The following KAT6A variants were observed in gnomAD, a reference collection of about 807,000 sequenced individuals.
KAT6A encodes the protein histone acetyltransferase KAT6A.
Under a neutral mutation model 198.4 loss-of-function variants are expected in KAT6A, and 9 were observed. That is an observed-to-expected ratio of 0.05 (90% CI 0.03 to 0.08). The LOEUF (loss-of-function observed/expected upper bound fraction) is 0.08. Ranked by LOEUF, KAT6A falls within the 10% of genes least tolerant of loss-of-function variation. The probability of loss-of-function intolerance (pLI) is 1.00; values close to 1 mark genes in which losing one functional copy is unlikely to be tolerated. For missense variants in KAT6A, 2,077 were observed against 2,509.9 expected (o/e 0.83, Z 3.69); for synonymous variants, 890 against 883.0 (o/e 1.01, Z -0.14).
chr8:41,982,284 T>A (rs551642478), intron 3 of KAT6A, among the ~76,000 whole-genome samples: 3 of 152,280 alleles, frequency 2.0e-5, no homozygotes, highest in African/African-American at 7.2e-5. Context: ...TACATATATG[T>A]TCATATATGA....
At chr8:42,042,522 A>C (rs1354625846) in intron 2 of KAT6A, among the ~76,000 whole-genome samples, 1 of 152,172 alleles carries the variant, frequency 6.6e-6, no homozygotes, top group Admixed American at 6.5e-5. Context: ...TCAAAGCTCT[A>C]CTTCCTCTAT....
At chr8:42,024,446 G>A (rs1826696489) in intron 2 of KAT6A, among the ~76,000 whole-genome samples, 1 of 152,064 alleles carries the variant, frequency 6.6e-6, no homozygotes, top group Non-Finnish European at 1.5e-5. Context: ...CATTTGTGTT[G>A]GTTAACACTT....
At chr8:42,028,467 C>T (rs949077371) in intron 2 of KAT6A, among the ~76,000 whole-genome samples, 3 of 152,074 alleles carry the variant, frequency 2.0e-5, no homozygotes, top group Non-Finnish European at 4.4e-5. Flanking sequence ...TGTACTGATC[C>T]CTTTATCACT....
intron 2 of KAT6A, among the ~76,000 whole-genome samples, chr8:42,008,543 T>C (rs1011067379): frequency 6.6e-6 from 1 of 152,102 alleles, no homozygotes; most frequent in African/African-American, 2.4e-5. Flanking sequence ...GGTTTCACGT[T>C]GCCCAGGCTG....
chr8:41,965,086 C>A (rs1823399987), intron 8 of KAT6A, among the ~76,000 whole-genome samples: 1 of 152,126 alleles, frequency 6.6e-6, no homozygotes. Context: ...ATAGAAAACA[C>A]AGTATCTGCC....
At position 41,931,019 on chromosome 8, in the gene KAT6A, A is replaced by C. The variant is rs1193246792; in HGVS notation, c.*1186T>G. Reference sequence around the variant, plus strand: ...GGTATGTATCACTTAAATAGCTACGAAACTCACACCGTGATCTCCCTTCTG... The same window carrying C: ...GGTATGTATCACTTAAATAGCTACGCAACTCACACCGTGATCTCCCTTCTG... On this transcript the variant is annotated 3_prime_UTR_variant, in exon 17 of 17. Coordinates refer to ENST00000265713, the MANE Select transcript of KAT6A (RefSeq NM_006766.5). 4.7e-6 allele frequency: 1 copy of C among 214,722 alleles called. No homozygotes were observed. Among genetic ancestry groups the C allele is most frequent in the Non-Finnish European group, 9.4e-6 (1 of 106,502 alleles). 13.3% of individuals were successfully genotyped at this position (214,722 alleles called of 1,614,324 possible). A position where few individuals can be genotyped will look rare whatever the true frequency, so the allele number is the denominator to read the frequency against.
chr8:41,960,442 G>A (rs1587745066), intron 8 of KAT6A, among the ~76,000 whole-genome samples: 1 of 146,184 alleles, frequency 6.8e-6, no homozygotes, highest in East Asian at 2.1e-4. Context: ...GGGAGGCGGA[G>A]CTTGCAGTGA....
At chr8:41,957,370 G>A in intron 8 of KAT6A, 1 of 491,928 alleles carries the variant, frequency 2.0e-6, no homozygotes. Context: ...TCTCTACACA[G>A]GGAGGAAGAA....
chr8:42,025,174 G>A (rs1826741761), intron 2 of KAT6A, among the ~76,000 whole-genome samples: 1 of 151,740 alleles, frequency 6.6e-6, no homozygotes, highest in Non-Finnish European at 1.5e-5. Flanking sequence ...GTTTTGATTT[G>A]TATTTCCCAG....
At chr8:41,971,516 G>T (rs144762041) in intron 8 of KAT6A, among the ~76,000 whole-genome samples, 1 of 152,098 alleles carries the variant, frequency 6.6e-6, no homozygotes, top group African/African-American at 2.4e-5. Flanking sequence ...AAGAGGAGGC[G>T]GCTGTGGCTG....
At chr8:41,960,446 G>T (rs1823149744) in intron 8 of KAT6A, among the ~76,000 whole-genome samples, 1 of 145,538 alleles carries the variant, frequency 6.9e-6, no homozygotes, top group Non-Finnish European at 1.5e-5. Flanking sequence ...GGCGGAGCTT[G>T]CAGTGAGCCA....
At position 41,949,255 on chromosome 8, in the gene KAT6A, C is replaced by T; in HGVS notation, c.1707G>A (p.Glu569=). The change falls in exon 10 of 17, where the codon GAG becomes GAA. Residue 569 remains glutamate, a synonymous_variant. Coordinates refer to ENST00000265713, the MANE Select transcript of KAT6A (RefSeq NM_006766.5). ...KCGWFHPPAN[E]IYRKNNISVF... Reference sequence around the variant, plus strand: ...CAGAAATATTATTCTTTCTGTAAATCTCATTGGCAGGAGGATGGAACCAAC... The same window carrying T: ...CAGAAATATTATTCTTTCTGTAAATTTCATTGGCAGGAGGATGGAACCAAC... 6.4e-7 allele frequency: 1 copy of T among 1,552,022 alleles called. No individual in the cohort carries two copies.
At position 41,941,277 on chromosome 8, in the gene KAT6A, C is replaced by A. The variant is rs376546146; in HGVS notation, c.2604G>T (p.Trp868Cys). The change falls in exon 15 of 17, where the codon TGG becomes TGT. Residue 868 changes from tryptophan (W) to cysteine (C), a missense_variant. Physicochemically the swap from Trp to Cys is radical, Grantham distance 215. Around this residue, in one of 13 missense-constraint regions of KAT6A, gnomAD observed 301 missense variants for 272.2 expected, o/e 1.11. Coordinates refer to ENST00000265713, the MANE Select transcript of KAT6A (RefSeq NM_006766.5). ...ANSQPSRRGR[W>C]GRKNRKTQER... is the part of the protein sequence containing the mutation. ...CCTGGGTTTTTCTGTTCTTCCTCCC[C>A]CAGCGGCCCCTCCGAGATGGCTGGC... 1.9e-6 allele frequency: 3 copies of A among 1,613,884 alleles called. No individual in the cohort carries two copies. The highest frequency in any genetic ancestry group is 1.3e-5 in the African/African-American group (1 of 74,854).
chr8:41,989,493 G>C (rs62510281), intron 2 of KAT6A, among the ~76,000 whole-genome samples: 24,866 of 151,978 alleles, frequency 0.16, 2,774 homozygotes, highest in Non-Finnish European at 0.24. Context: ...TGGGTGACAA[G>C]AGCAAGAGTC....
intron 2 of KAT6A, among the ~76,000 whole-genome samples, chr8:42,029,535 T>G (rs893928095): frequency 6.6e-6 from 1 of 151,380 alleles, no homozygotes; most frequent in Non-Finnish European, 1.5e-5. Context: ...ATCTAGTCTA[T>G]AGTTAAAAGC....
chr8:42,026,497 A>G (rs1202711476), intron 2 of KAT6A, among the ~76,000 whole-genome samples: 1 of 151,918 alleles, frequency 6.6e-6, no homozygotes, highest in Non-Finnish European at 1.5e-5. Flanking sequence ...CCTTGGTTAA[A>G]TTTATAACTA....
In KAT6A at chr8:42,037,068, C is replaced by A. The variant is rs933696075; in HGVS notation, c.600+11310G>T. ...GCATTAGAGCAATGGTTCTCAACCC[C>A]AGCTGCACATCAGATAAACATTCTT... On this transcript the variant is annotated intron_variant, in intron 2 of 16. Transcript: ENST00000265713. Among the ~76,000 whole-genome samples, 3 of 152,142 alleles carry A rather than the reference C, an allele frequency of 2.0e-5. No homozygotes were observed. In the East Asian group the frequency reaches 5.8e-4, roughly 29 times the overall value.
intron 2 of KAT6A, among the ~76,000 whole-genome samples, chr8:42,036,642 T>C (rs1295485695): frequency 6.6e-6 from 1 of 151,434 alleles, no homozygotes; most frequent in African/African-American, 2.4e-5. Flanking sequence ...GGTAAATGGC[T>C]GGAGTTTGCC....
Position 41,942,885 on chromosome 8 carries a change from A to T in KAT6A, c.2344T>A (p.Ser782Thr). ...TCCTCCTCTGAGACCACAGAGTTGG[A>T]CACTATGACTGGAGTCCAGCGCAAA... The part of the protein sequence containing the change: ...ECLRWTPVIV[S>T]NSVVSEEEEE... Residue 782 changes from serine (S) to threonine (T), a missense_variant, in exon 14 of 17, where the codon TCC becomes ACC. Physicochemically the swap from Ser to Thr is moderately conservative, Grantham distance 58 (BLOSUM62 1). Around this residue, in one of 13 missense-constraint regions of KAT6A, gnomAD observed 127 missense variants for 209.6 expected, o/e 0.61. Transcript: ENST00000265713. The T allele has an allele frequency of 6.2e-7, 1 of 1,614,110 alleles. No homozygotes were observed. The highest frequency in any genetic ancestry group is 1.3e-5 in the African/African-American group (1 of 75,024).
Sources: gnomAD v4.1 joint callset for allele counts (sites outside exome capture counted in the v4.1 genomes callset) on GRCh38, gnomAD v4.1.1 for gene constraint, gnomAD v4.1.1 regional missense constraint, MANE v1.5 for transcripts, NCBI Gene and HGNC (gene_info 2026-07-23, HGNC 2026-07-21) for gene names.